Variants in FAM193A observed in about 807,000 individuals in gnomAD.
The protein encoded by FAM193A is family with sequence similarity 193 member A.
Under a neutral mutation model 126.5 loss-of-function variants are expected in FAM193A, and 22 were observed. The ratio of observed to expected loss-of-function variants is 0.17; its 90% CI spans 0.12 to 0.25. The LOEUF (loss-of-function observed/expected upper bound fraction) is 0.25. Among genes scored for constraint, FAM193A ranks in the 10% least tolerant of loss-of-function variants. The pLI, the probability that FAM193A is intolerant of heterozygous loss-of-function variation, is 1.00. For synonymous variants in FAM193A, 761 were observed against 646.8 expected (o/e 1.18, Z -2.68); for missense variants, 1,675 against 1,672.8 (o/e 1.00, Z -0.02).
intron 7 of FAM193A, among the ~76,000 whole-genome samples, chr4:2,653,354 G>A (rs1375761071): frequency 6.6e-6 from 1 of 152,144 alleles, no homozygotes; most frequent in Non-Finnish European, 1.5e-5. Context: ...CACTTAAAAA[G>A]TAAAGTGTAT....
chr4:2,657,899 G>T lies in FAM193A; in HGVS notation c.1389+19G>T. 1 of 1,543,036 alleles carries T rather than the reference G, an allele frequency of 6.5e-7. No individual in the cohort carries two copies. ...AGAACAGGTAAGCTTGTCAATAAGA[G>T]AGGCAATTAAAGGAAGTAGAAATCT... On this transcript the variant is annotated intron_variant, in intron 8 of 20. Transcript: ENST00000637812.
intron 10 of FAM193A, among the ~76,000 whole-genome samples, chr4:2,661,375 C>G (rs1712423490): frequency 6.6e-6 from 1 of 152,204 alleles, no homozygotes; most frequent in Non-Finnish European, 1.5e-5. Context: ...CTTCCTGGAT[C>G]TTATGGGTTG....
intron 13 of FAM193A, among the ~76,000 whole-genome samples, chr4:2,675,366 T>C (rs1422979287): frequency 6.6e-6 from 1 of 152,246 alleles, no homozygotes; most frequent in Admixed American, 6.5e-5. Context: ...AGACTTCCAT[T>C]GATTCATCGG....
At chr4:2,723,590 T>C (rs191249583) in intron 20 of FAM193A, among the ~76,000 whole-genome samples, 1 of 151,764 alleles carries the variant, frequency 6.6e-6, no homozygotes, top group African/African-American at 2.4e-5. Flanking sequence ...AAAAAAAGTT[T>C]GAAGTAAAAA....
At chr4:2,578,762 A>G (rs1739750608) in intron 1 of FAM193A, among the ~76,000 whole-genome samples, 1 of 152,216 alleles carries the variant, frequency 6.6e-6, no homozygotes, top group South Asian at 2.1e-4. Context: ...TATTCCTACA[A>G]TAAAGTAAGC....
intron 1 of FAM193A, among the ~76,000 whole-genome samples, chr4:2,581,933 G>A (rs953614827): frequency 2.6e-5 from 4 of 152,098 alleles, no homozygotes; most frequent in South Asian, 2.1e-4. Flanking sequence ...GATTACAGGC[G>A]TGAGCCACCG....
intron 12 of FAM193A, among the ~76,000 whole-genome samples, chr4:2,670,594 G>C (rs1713678196): frequency 6.6e-6 from 1 of 151,906 alleles, no homozygotes; most frequent in South Asian, 2.1e-4. Context: ...CAAGTACTTG[G>C]GACTACAGGC....
intron 12 of FAM193A, among the ~76,000 whole-genome samples, chr4:2,669,880 C>T (rs1713593209): frequency 6.6e-6 from 1 of 152,188 alleles, no homozygotes; most frequent in Non-Finnish European, 1.5e-5. Flanking sequence ...TGGCCTTTGG[C>T]TGCAGGAAGC....
At chr4:2,599,739 GTT>G (rs34438355) in intron 2 of FAM193A, among the ~76,000 whole-genome samples, 27 of 143,920 alleles carry the variant, frequency 1.9e-4, no homozygotes, top group East Asian at 4.1e-4. Flanking sequence ...TCTTGCCATA[GTT>G]TTTTTTTTTT....
At chr4:2,553,432 G>A (rs1738068337) in intron 1 of FAM193A, among the ~76,000 whole-genome samples, 1 of 143,286 alleles carries the variant, frequency 7.0e-6, no homozygotes, top group African/African-American at 2.6e-5. Flanking sequence ...CCAGGTTAGA[G>A]TGCAGTGGTG....
chr4:2,679,604 C>T (rs1246527132), intron 13 of FAM193A, among the ~76,000 whole-genome samples: 2 of 151,776 alleles, frequency 1.3e-5, no homozygotes, highest in African/African-American at 4.8e-5. Flanking sequence ...TCTCGAACTC[C>T]CGACCTCAGG....
intron 1 of FAM193A, among the ~76,000 whole-genome samples, chr4:2,561,638 AGCT>A (rs1241193784): frequency 4.0e-5 from 6 of 151,446 alleles, no homozygotes; most frequent in Non-Finnish European, 8.8e-5. Context: ...CTGGGATTAC[AGCT>A]GCTTGTCACC....
chr4:2,700,584 C>T, intron 19 of FAM193A, 40 bp downstream of exon 19: 1 of 1,577,220 alleles, frequency 6.3e-7, no homozygotes, highest in Non-Finnish European at 8.6e-7. Flanking sequence ...TGAGCGATGC[C>T]TGGTTTTCCA....
At chr4:2,573,199 A>G (rs186807470) in intron 1 of FAM193A, among the ~76,000 whole-genome samples, 2 of 151,680 alleles carry the variant, frequency 1.3e-5, no homozygotes, top group African/African-American at 2.4e-5. Context: ...GTATCTGGAC[A>G]TGTGTGAATC....
At chr4:2,653,722 G>A (rs184896886) in intron 7 of FAM193A, among the ~76,000 whole-genome samples, 19 of 152,292 alleles carry the variant, frequency 1.2e-4, no homozygotes, top group Non-Finnish European at 2.1e-4. Flanking sequence ...GATTACAGGC[G>A]TGAGCCACCA....
chr4:2,603,906 G>T (rs1465045684), intron 2 of FAM193A, among the ~76,000 whole-genome samples: 3 of 151,980 alleles, frequency 2.0e-5, no homozygotes, highest in African/African-American at 7.3e-5. Context: ...GTAGTGGCAC[G>T]ATCTTGGCTC....
chr4:2,668,829 CCTTTTCTTTTCCTTTTT>C (rs991043103), intron 12 of FAM193A, among the ~76,000 whole-genome samples: 1 of 144,008 alleles, frequency 6.9e-6, no homozygotes, highest in East Asian at 2.0e-4. Context: ...TTTTCCTTTT[CCTTTTCTTTTCCTTTTT>C]CTTTTCCTTT....
intron 1 of FAM193A, among the ~76,000 whole-genome samples, chr4:2,566,878 T>G (rs1239775454): frequency 6.6e-6 from 1 of 152,138 alleles, no homozygotes; most frequent in Non-Finnish European, 1.5e-5. Flanking sequence ...TACCTTCTGA[T>G]TACTATGTAA....
Position 2,699,959 on chromosome 4 carries a change from T to C in FAM193A, c.3787T>C (p.Ser1263Pro). Residue 1263 changes from serine to proline, a missense_variant, in exon 19 of 21, where the codon TCA becomes CCA. This residue lies in a region of FAM193A where 415 missense variants were observed against 396.7 expected (regional missense o/e 1.05). Coordinates refer to ENST00000637812, the MANE Select transcript of FAM193A (RefSeq NM_001366318.2). The part of the protein sequence containing the change: ...VPNSGNIHNG[S>P]LEQTEEPETS... ...TAACTCTGGAAACATCCACAATGGC[T>C]CACTAGAGCAAACTGAAGAACCAGA... is the stretch of plus-strand genomic sequence containing the variant. 1 of 1,613,628 alleles carries C rather than the reference T, an allele frequency of 6.2e-7. No individual in the cohort carries two copies. The highest frequency in any genetic ancestry group is 8.5e-7 in the Non-Finnish European group (1 of 1,179,940).
Sources: gnomAD v4.1 joint callset for allele counts (sites outside exome capture counted in the v4.1 genomes callset) on GRCh38, gnomAD v4.1.1 for gene constraint, gnomAD v4.1.1 regional missense constraint, MANE v1.5 for transcripts, NCBI Gene and HGNC (gene_info 2026-07-23, HGNC 2026-07-21) for gene names.